IPO11: variants seen among roughly 807,000 people sequenced by gnomAD.
IPO11 encodes importin-11.
In IPO11, 66 loss-of-function variants were observed where a neutral mutation model predicts 143.2. The observed-to-expected ratio is 0.46, with a 90% CI of 0.38 to 0.57. The LOEUF (loss-of-function observed/expected upper bound fraction) is 0.57. Ranked by LOEUF, IPO11 falls within the 20% of genes least tolerant of loss-of-function variation. IPO11 has a pLI of 0.00. For missense variants in IPO11, 1,026 were observed against 1,141.0 expected (o/e 0.90, Z 1.45); for synonymous variants, 385 against 377.8 (o/e 1.02, Z -0.22).
rs139202717 is a variant in IPO11 at position 62,433,524 on chromosome 5, A to G, written c.-6-3750A>G. Among the ~76,000 whole-genome samples the G allele has an allele frequency of 2.0e-5, 3 of 152,322 alleles. No homozygotes were observed. In the East Asian group the frequency reaches 5.8e-4, roughly 29 times the overall value. On this transcript the variant is annotated intron_variant, in intron 1 of 29. Coordinates refer to ENST00000325324, the MANE Select transcript of IPO11 (RefSeq NM_016338.5). ...AGCTTCCTCTGCCTCTCACCCCAGT[A>G]GCCCACAGATTTTGGGTAGACAACA...
chr5:62,499,569 C>CTTTTT (rs35545041), intron 16 of IPO11, among the ~76,000 whole-genome samples: 44 of 100,076 alleles, frequency 4.4e-4, no homozygotes, highest in Non-Finnish European at 5.1e-4. Flanking sequence ...CTTACTCTAA[C>CTTTTT]TTTTTTTTTT....
rs76546873 is a variant in IPO11 at position 62,487,613 on chromosome 5, A to T, written c.1219-158A>T. Among the ~76,000 whole-genome samples the T allele has an allele frequency of 9.3e-3, 1,270 of 137,124 alleles. 22 individuals carry two copies. Among genetic ancestry groups the T allele is most frequent in the African/African-American group, 0.036 (1,231 of 33,920 alleles). 90.0% of individuals were successfully genotyped at this position (137,124 alleles called of 152,430 possible). On this transcript the variant is annotated intron_variant, in intron 12 of 29. Coordinates refer to ENST00000325324, the MANE Select transcript of IPO11 (RefSeq NM_016338.5). ...TTTTGTTTTCCTTTGTGTTGGTTATAAAAAAATGGTAACCTTACTTTTTTT... is the reference window on the plus strand; with the variant it reads ...TTTTGTTTTCCTTTGTGTTGGTTATTAAAAAATGGTAACCTTACTTTTTTT...
chr5:62,620,247 C>T (rs967757464), intron 29 of IPO11, among the ~76,000 whole-genome samples: 2 of 151,874 alleles, frequency 1.3e-5, no homozygotes, highest in African/African-American at 2.4e-5. Context: ...GGGCTGGGCG[C>T]GATGCCTCAC....
At chr5:62,477,537 CAGA>C (rs528442440) in intron 9 of IPO11, among the ~76,000 whole-genome samples, 103 of 152,244 alleles carry the variant, frequency 6.8e-4, no homozygotes, top group African/African-American at 2.4e-3. Context: ...GCCTCAACAA[CAGA>C]AGTTCACCTA....
chr5:62,544,717 A>C (rs1399871746), intron 24 of IPO11, among the ~76,000 whole-genome samples: 3 of 152,222 alleles, frequency 2.0e-5, no homozygotes, highest in East Asian at 1.9e-4. Flanking sequence ...ATCTCAGCCC[A>C]AAATCTCCTT....
At chr5:62,584,820 A>T (rs1744711056) in intron 27 of IPO11, among the ~76,000 whole-genome samples, 1 of 151,058 alleles carries the variant, frequency 6.6e-6, no homozygotes, top group South Asian at 2.1e-4. Context: ...GTGTGGCCGC[A>T]CACTTTTAAT....
In IPO11 at chr5:62,483,174, G is replaced by C; in HGVS notation, c.902G>C (p.Ser301Thr). 6.2e-7 allele frequency: 1 copy of C among 1,608,816 alleles called. No individual in the cohort carries two copies. Among genetic ancestry groups the C allele is most frequent in the Non-Finnish European group, 8.5e-7 (1 of 1,176,020 alleles). ...LIQRSLEFSV[S>T]YVFTEVGEGV... ...CAGAGATCACTGGAATTTTCTGTAA[G>C]CTATGTTTTTACAGAAGTTGGTGAA... Residue 301 changes from serine (S) to threonine (T), a missense_variant, in exon 10 of 30, where the codon AGC (serine) becomes ACC (threonine). Around this residue, in one of 5 missense-constraint regions of IPO11, gnomAD observed 429 missense variants for 456.3 expected, o/e 0.94. Coordinates refer to ENST00000325324, the MANE Select transcript of IPO11 (RefSeq NM_016338.5).
At chr5:62,619,549 ATC>A (rs1746267590) in intron 29 of IPO11, among the ~76,000 whole-genome samples, 1 of 152,136 alleles carries the variant, frequency 6.6e-6, no homozygotes, top group Non-Finnish European at 1.5e-5. Flanking sequence ...ATGATAAAAT[ATC>A]TGTTTGAAAC....
chr5:62,545,442 A>T (rs1743134450), intron 24 of IPO11, among the ~76,000 whole-genome samples: 1 of 152,208 alleles, frequency 6.6e-6, no homozygotes, highest in South Asian at 2.1e-4. Flanking sequence ...TTATACAAAA[A>T]TTAATTCAAG....
chr5:62,559,916 C>CAAA lies in IPO11; in HGVS notation c.2461-1196_2461-1194dup, dbSNP rs759468696. On this transcript the variant is annotated intron_variant, in intron 26 of 29. Transcript: ENST00000325324. ...GGGCAACAAGACTGAAACTCTGTCT[C>CAAA]AAAAAAAAAAAAAAAAAAAAAAAAA... Among the ~76,000 whole-genome samples the CAAA allele has an allele frequency of 6.7e-3, 114 of 16,996 alleles. 4 individuals are homozygous for CAAA. Among genetic ancestry groups the CAAA allele is most frequent in the East Asian group, 0.012 (5 of 412 alleles). 11.2% of individuals were successfully genotyped at this position (16,996 alleles called of 152,430 possible).
chr5:62,547,800 A>G (rs1743256420), intron 24 of IPO11, among the ~76,000 whole-genome samples: 1 of 152,132 alleles, frequency 6.6e-6, no homozygotes, highest in South Asian at 2.1e-4. Context: ...AGCCACAGCT[A>G]TGTATTATTA....
intron 29 of IPO11, among the ~76,000 whole-genome samples, chr5:62,615,533 G>A (rs1746098287): frequency 6.6e-6 from 1 of 152,188 alleles, no homozygotes; most frequent in Non-Finnish European, 1.5e-5. Context: ...TCATCCCCCA[G>A]GGATGTGCAT....
intron 9 of IPO11, among the ~76,000 whole-genome samples, chr5:62,481,274 T>G (rs1746201328): frequency 6.6e-6 from 1 of 152,186 alleles, no homozygotes; most frequent in Admixed American, 6.5e-5. Flanking sequence ...CTGATTGCCC[T>G]GGCCGGAACT....
At chr5:62,515,583 G>T in intron 20 of IPO11, 82 bp downstream of exon 20, 1 of 809,114 alleles carries the variant, frequency 1.2e-6, no homozygotes, top group East Asian at 2.9e-5. Flanking sequence ...GTTTTTATGT[G>T]ATTTATGTTA....
intron 27 of IPO11, chr5:62,581,166 A>C: frequency 6.4e-7 from 1 of 1,551,238 alleles, no homozygotes; most frequent in Non-Finnish European, 8.7e-7. Context: ...ATCAGTCAGC[A>C]AGGTATAATG....
chr5:62,624,520 G>C (rs1278209227), intron 29 of IPO11, among the ~76,000 whole-genome samples: 1 of 152,100 alleles, frequency 6.6e-6, no homozygotes, highest in Non-Finnish European at 1.5e-5. Context: ...TGGCCATCTT[G>C]GTTTTGGTGG....
At chr5:62,565,363 G>C (rs1743897717) in intron 27 of IPO11, among the ~76,000 whole-genome samples, 1 of 152,108 alleles carries the variant, frequency 6.6e-6, no homozygotes, top group Admixed American at 6.5e-5. Flanking sequence ...GCACATGTTT[G>C]TAATTCCAGC....
chr5:62,540,703 A>G (rs182928872), intron 24 of IPO11, among the ~76,000 whole-genome samples: 1 of 152,306 alleles, frequency 6.6e-6, no homozygotes, highest in African/African-American at 2.4e-5. Context: ...CATCTGTAAC[A>G]TGGGGATGAT....
chr5:62,561,238 C>A lies in IPO11; in HGVS notation c.2563C>A (p.Leu855Ile). Reference sequence around the variant, plus strand: ...ACTTTCAGCTTTGGCTTTGCTCTCTCTTCTGCCATCTGATAATAGGTGAGG... The same window carrying A: ...ACTTTCAGCTTTGGCTTTGCTCTCTATTCTGCCATCTGATAATAGGTGAGG... Reference protein sequence around the residue: ...RKLSALALLSLLPSDNSVIQD... With the variant: ...RKLSALALLSILPSDNSVIQD... The change falls in exon 27 of 30, where the codon CTT (leucine) becomes ATT (isoleucine). Residue 855 changes from leucine to isoleucine, a missense_variant. Physicochemically the swap from Leu to Ile is conservative, Grantham distance 5. Coordinates refer to ENST00000325324, the MANE Select transcript of IPO11 (RefSeq NM_016338.5). The A allele has an allele frequency of 1.3e-6, 2 of 1,577,622 alleles. No homozygotes were observed. Among genetic ancestry groups the A allele is most frequent in the Non-Finnish European group, 8.6e-7 (1 of 1,161,652 alleles).
Sources: allele counts gnomAD v4.1 joint callset (sites outside exome capture counted in the v4.1 genomes callset), GRCh38; gene constraint gnomAD v4.1.1; regional missense constraint gnomAD v4.1.1; transcripts MANE v1.5; gene names NCBI Gene and HGNC (gene_info 2026-07-23, HGNC 2026-07-21).